The following IL13RA1 variants were observed in gnomAD, a reference collection of about 807,000 sequenced individuals.
IL13RA1 encodes interleukin 13 receptor subunit alpha 1.
Under a neutral mutation model 33.8 loss-of-function variants are expected in IL13RA1, and 14 were observed. The observed-to-expected ratio is 0.41, with a 90% CI of 0.27 to 0.65. The LOEUF (loss-of-function observed/expected upper bound fraction) is 0.65. Ranked by LOEUF, IL13RA1 falls within the 30% of genes least tolerant of loss-of-function variation. The pLI, the probability that IL13RA1 is intolerant of heterozygous loss-of-function variation, is 0.28. For missense variants in IL13RA1, 313 were observed against 327.0 expected (o/e 0.96, Z 0.33); for synonymous variants, 116 against 115.7 (o/e 1.00, Z -0.02).
intron 10 of IL13RA1, among the ~76,000 whole-genome samples, chrX:118,785,343 C>T: frequency 9.0e-6 from 1 of 111,106 alleles, no homozygotes; most frequent in African/African-American, 3.3e-5. Flanking sequence ...TATTCCCCCA[C>T]CTGGAACTTC....
the IL13RA1 span, among the ~76,000 whole-genome samples, chrX:118,800,996 C>T: frequency 4.5e-5 from 5 of 111,390 alleles, no homozygotes; most frequent in Non-Finnish European, 9.4e-5. Context: ...CCCTGTGTTG[C>T]CCAAGCTGAT....
chrX:118,785,257 G>T (rs2017903307), intron 10 of IL13RA1, among the ~76,000 whole-genome samples: 1 of 110,119 alleles, frequency 9.1e-6, no homozygotes, highest in Non-Finnish European at 1.9e-5. Flanking sequence ...ACCATGCCTG[G>T]CTAATTTTTA....
At chrX:118,740,924 T>C in intron 1 of IL13RA1, 93 bp from the exon 2 acceptor site, 1 of 622,795 alleles carries the variant, frequency 1.6e-6, no homozygotes, top group Non-Finnish European at 2.7e-6. Flanking sequence ...AACTCAGTTA[T>C]TACTGTCTTG....
chrX:118,768,006 A>G (rs779945260), intron 8 of IL13RA1, among the ~76,000 whole-genome samples: 7 of 111,753 alleles, frequency 6.3e-5, no homozygotes, highest in Non-Finnish European at 1.3e-4. Flanking sequence ...GAATCTCAAA[A>G]CTTGGCAAGG....
At chrX:118,788,094 C>T (rs1007499064) in intron 10 of IL13RA1, among the ~76,000 whole-genome samples, 7 of 111,728 alleles carry the variant, frequency 6.3e-5, no homozygotes, top group African/African-American at 9.8e-5. Context: ...TAAAGAGAGG[C>T]GTAAGAAATT....
At chrX:118,728,881 G>A (rs778757912) in intron 1 of IL13RA1, among the ~76,000 whole-genome samples, 30 of 111,496 alleles carry the variant, frequency 2.7e-4, no homozygotes, top group Non-Finnish European at 5.3e-4. Context: ...CAGGTGGGAA[G>A]GGGTTTGCCA....
At chrX:118,778,052 A>G (rs1001361288) in intron 10 of IL13RA1, among the ~76,000 whole-genome samples, 4 of 111,693 alleles carry the variant, frequency 3.6e-5, no homozygotes, top group African/African-American at 1.3e-4. Context: ...GGAGGTAACA[A>G]TAGCACCTGC....
At chrX:118,799,879 C>T in the IL13RA1 span, among the ~76,000 whole-genome samples, 1 of 76,892 alleles carries the variant, frequency 1.3e-5, no homozygotes, top group Non-Finnish European at 2.5e-5. Context: ...GTGCACCAAT[C>T]GACACTCTGT....
chrX:118,742,110 A>G (rs752323381), intron 2 of IL13RA1, among the ~76,000 whole-genome samples: 2 of 111,936 alleles, frequency 1.8e-5, no homozygotes, highest in African/African-American at 3.3e-5. Flanking sequence ...GTATATATAC[A>G]AAAGTTTAAT....
intron 4 of IL13RA1, among the ~76,000 whole-genome samples, chrX:118,755,932 A>G (rs1373825265): frequency 9.0e-6 from 1 of 111,675 alleles, no homozygotes; most frequent in Non-Finnish European, 1.9e-5. Flanking sequence ...TGTACTACCT[A>G]TTGAAGGAAA....
chrX:118,730,617 C>A (rs747925500), intron 1 of IL13RA1, among the ~76,000 whole-genome samples: 10 of 111,443 alleles, frequency 9.0e-5, no homozygotes, highest in Non-Finnish European at 1.7e-4. Context: ...GCTTGATTTG[C>A]CCTTGAAAGC....
chrX:118,735,950 A>G (rs2017277272), intron 1 of IL13RA1, among the ~76,000 whole-genome samples: 2 of 111,380 alleles, frequency 1.8e-5, no homozygotes, highest in Middle Eastern at 4.6e-3. Context: ...GACTCTGTTC[A>G]CTTTTCTTCA....
chrX:118,751,345 A>G (rs1254672255), intron 4 of IL13RA1, among the ~76,000 whole-genome samples: 1 of 112,298 alleles, frequency 8.9e-6, no homozygotes, highest in African/African-American at 3.2e-5. Context: ...CACTGAATGC[A>G]CAGCAGAGAC....
intron 8 of IL13RA1, chrX:118,770,238 C>T (rs1387194966): frequency 5.8e-5 from 18 of 308,660 alleles, no homozygotes; most frequent in Admixed American, 2.6e-4. Flanking sequence ...GCACCCACTG[C>T]GCCGCCTGCC....
chrX:118,728,940 C>A (rs2017186499), intron 1 of IL13RA1, among the ~76,000 whole-genome samples: 1 of 111,668 alleles, frequency 9.0e-6, no homozygotes, highest in Admixed American at 9.5e-5. Flanking sequence ...TGAAAGGTGG[C>A]ATTTGAGTAG....
intron 3 of IL13RA1, among the ~76,000 whole-genome samples, chrX:118,748,593 C>A (rs765106794): frequency 9.1e-6 from 1 of 109,636 alleles, no homozygotes; most frequent in Non-Finnish European, 1.9e-5. Context: ...TTGCAGTGAG[C>A]CAAGATCACA....
chrX:118,761,211 A>G lies in IL13RA1; in HGVS notation c.750A>G (p.Pro250=), dbSNP rs1367518211. The G allele has an allele frequency of 1.3e-5, 13 of 994,959 alleles. No homozygotes were observed. Among genetic ancestry groups the G allele is most frequent in the Non-Finnish European group, 1.8e-5 (13 of 704,169 alleles). 82.0% of individuals were successfully genotyped at this position (994,959 alleles called of 1,213,427 possible). The change falls in exon 6 of 11, where the codon CCA becomes CCG. Residue 250 remains proline, a synonymous_variant. Coordinates refer to ENST00000371666, the MANE Select transcript of IL13RA1 (RefSeq NM_001560.3). ...NDDLYVQWEN[P]QNFISRCLFY... ...ACCTATATGTGCAATGGGAGAATCC[A>G]CAGAATTTTATTAGCAGATGCCTAT...
chrX:118,802,743 CAG>C, the IL13RA1 span, among the ~76,000 whole-genome samples: 1 of 112,104 alleles, frequency 8.9e-6, no homozygotes, highest in African/African-American at 3.2e-5. Flanking sequence ...GGGGAAAAAA[CAG>C]AAAATTATTC....
chrX:118,778,873 C>T (rs1190604036), intron 10 of IL13RA1, among the ~76,000 whole-genome samples: 2 of 111,848 alleles, frequency 1.8e-5, no homozygotes, highest in Non-Finnish European at 3.8e-5. Flanking sequence ...GGAAATGGAG[C>T]CCCAATGAGG....
Sources: gnomAD v4.1 joint callset for allele counts (sites outside exome capture counted in the v4.1 genomes callset) on GRCh38, gnomAD v4.1.1 for gene constraint, MANE v1.5 for transcripts, NCBI Gene and HGNC (gene_info 2026-07-23, HGNC 2026-07-21) for gene names.